Variants in RIN2 observed in about 807,000 individuals in gnomAD.
RIN2 encodes the protein Ras and Rab interactor 2.
A neutral mutation model predicts 78.0 loss-of-function variants in RIN2; 36 were observed. The observed-to-expected ratio is 0.46, with a 90% CI of 0.35 to 0.61. The LOEUF (loss-of-function observed/expected upper bound fraction) is 0.61. RIN2 is among the 20% of genes least tolerant of loss of function. The probability of loss-of-function intolerance (pLI) is 0.00; values close to 1 mark genes in which losing one functional copy is unlikely to be tolerated. For missense variants in RIN2, 1,087 were observed against 1,159.7 expected (o/e 0.94, Z 0.91); for synonymous variants, 466 against 466.8 (o/e 1.00, Z 0.02).
chr20:19,880,009 G>A (rs147857834), intron 2 of RIN2, among the ~76,000 whole-genome samples: 31 of 152,206 alleles, frequency 2.0e-4, no homozygotes, highest in African/African-American at 7.2e-4. Flanking sequence ...AGCACTTTGG[G>A]AGGCCAAGGC....
chr20:19,864,583 A>G (rs772617139), intron 2 of RIN2, among the ~76,000 whole-genome samples: 4 of 152,210 alleles, frequency 2.6e-5, no homozygotes, highest in Non-Finnish European at 5.9e-5. Context: ...AAATATGATC[A>G]TTTAAAAGTT....
At chr20:19,830,466 T>C (rs549051938) in intron 2 of RIN2, among the ~76,000 whole-genome samples, 2 of 152,282 alleles carry the variant, frequency 1.3e-5, no homozygotes, top group Middle Eastern at 3.4e-3. Flanking sequence ...ACCTTAATAA[T>C]ATGACCATCA....
rs116266797 is a variant in RIN2 at position 19,861,497 on chromosome 20, C to T, written c.-36-28069C>T. 6.6e-3 allele frequency among the ~76,000 whole-genome samples: 1,011 copies of T among 152,278 alleles called. 16 individuals are homozygous for T. Among genetic ancestry groups the T allele is most frequent in the African/African-American group, 0.022 (933 of 41,536 alleles). On this transcript the variant is annotated intron_variant, in intron 2 of 12. Coordinates refer to ENST00000255006, the MANE Select transcript of RIN2 (RefSeq NM_018993.4). ...AGGTTGAGCAAGAACGCCCTGCCCT[C>T]GATATCTGATCACCCTCCATATCTG... is the stretch of plus-strand genomic sequence containing the variant.
intron 2 of RIN2, among the ~76,000 whole-genome samples, chr20:19,837,016 T>C (rs1157222826): frequency 6.6e-6 from 1 of 151,892 alleles, no homozygotes; most frequent in Non-Finnish European, 1.5e-5. Context: ...TTGTATATCA[T>C]GTGCAGACAC....
intron 2 of RIN2, chr20:19,872,081 C>T (rs1335349824): frequency 6.6e-6 from 1 of 152,004 alleles, no homozygotes; most frequent in African/African-American, 2.4e-5. Context: ...GCAGTTTCCC[C>T]CATGCCTAGT....
chr20:19,792,588 A>C (rs529074332), intron 1 of RIN2, among the ~76,000 whole-genome samples: 1 of 152,296 alleles, frequency 6.6e-6, no homozygotes, highest in African/African-American at 2.4e-5. Flanking sequence ...ACACATGGGG[A>C]GGTGAGGCAA....
At chr20:19,758,399 C>G (rs1008428392) in intron 1 of RIN2, 72 bp downstream of exon 1, 1 of 152,268 alleles carries the variant, frequency 6.6e-6, no homozygotes, top group South Asian at 2.1e-4. Context: ...GCTCCGGGCA[C>G]GGGCGGGGCT....
chr20:19,953,839 G>GT (rs11483465), intron 4 of RIN2, among the ~76,000 whole-genome samples: 4,889 of 152,210 alleles, frequency 0.032, 119 homozygotes, highest in Non-Finnish European at 0.043. Flanking sequence ...TGAAGAGTAT[G>GT]TTTTTTTAAC....
At chr20:19,969,811 T>C (rs1231840880) in intron 7 of RIN2, among the ~76,000 whole-genome samples, 4 of 152,250 alleles carry the variant, frequency 2.6e-5, no homozygotes, top group Admixed American at 6.5e-5. Flanking sequence ...TAAGTCACCA[T>C]ATTTATTGAA....
chr20:19,765,607 A>G (rs1025306740), intron 1 of RIN2, among the ~76,000 whole-genome samples: 1 of 152,184 alleles, frequency 6.6e-6, no homozygotes, highest in Non-Finnish European at 1.5e-5. Context: ...GACTTGAGAG[A>G]CAGACATACT....
intron 11 of RIN2, among the ~76,000 whole-genome samples, chr20:19,992,610 C>G (rs527755632): frequency 6.6e-6 from 1 of 152,100 alleles, no homozygotes; most frequent in African/African-American, 2.4e-5. Context: ...GTAATACACA[C>G]TCGTGGTAGA....
intron 2 of RIN2, among the ~76,000 whole-genome samples, chr20:19,802,143 ATACAGGTGGGATTGTTATTATTCTCATTT>A (rs2035261343): frequency 6.6e-6 from 1 of 152,160 alleles, no homozygotes; most frequent in Admixed American, 6.5e-5. Context: ...CGACAGCCCT[ATACAGGTGGGATTGTTATTATTCTCATTT>A]TACAGATGGG....
intron 12 of RIN2, among the ~76,000 whole-genome samples, chr20:20,000,023 A>T (rs1318816809): frequency 2.0e-5 from 3 of 152,212 alleles, no homozygotes; most frequent in East Asian, 1.9e-4. Context: ...GGATTTATTT[A>T]AAAAGTTTGT....
intron 1 of RIN2, among the ~76,000 whole-genome samples, chr20:19,776,816 C>T (rs1232449518): frequency 6.6e-6 from 1 of 151,964 alleles, no homozygotes; most frequent in African/African-American, 2.4e-5. Flanking sequence ...TCCTGCCTTT[C>T]CAGACGAAAC....
At chr20:19,761,162 C>A (rs1027886529) in intron 1 of RIN2, among the ~76,000 whole-genome samples, 1 of 152,142 alleles carries the variant, frequency 6.6e-6, no homozygotes, top group African/African-American at 2.4e-5. Flanking sequence ...GTATCTCAGT[C>A]GTTTCTCACA....
intron 12 of RIN2, among the ~76,000 whole-genome samples, chr20:19,999,602 C>T (rs1393125549): frequency 6.6e-6 from 1 of 152,214 alleles, no homozygotes; most frequent in East Asian, 1.9e-4. Context: ...CATCTGATAA[C>T]TCCACTGTTA....
intron 3 of RIN2, among the ~76,000 whole-genome samples, chr20:19,927,291 A>C (rs2040262158): frequency 6.6e-6 from 1 of 152,236 alleles, no homozygotes; most frequent in African/African-American, 2.4e-5. Context: ...TCTGTTACCT[A>C]GGCTGGAGTG....
Position 20,001,457 on chromosome 20 carries a change from A to ATTGGT in RIN2, c.*524_*528dup, listed in dbSNP as rs2043143099. The ATTGGT allele has an allele frequency of 7.3e-6, 1 of 137,470 alleles. No homozygotes were observed. Among genetic ancestry groups the ATTGGT allele is most frequent in the Non-Finnish European group, 1.5e-5 (1 of 65,216 alleles). 8.5% of individuals were successfully genotyped at this position (137,470 alleles called of 1,614,324 possible). ...TAGCAGTTGCAGGTAAACTGTCAGG[A>ATTGGT]TTGGTTTTAAAATATTTTTGTAACT... On this transcript the variant is annotated 3_prime_UTR_variant, in exon 13 of 13. Coordinates refer to ENST00000255006, the MANE Select transcript of RIN2 (RefSeq NM_018993.4).
intron 9 of RIN2, among the ~76,000 whole-genome samples, chr20:19,987,950 G>A (rs895597486): frequency 5.9e-5 from 9 of 152,154 alleles, no homozygotes; most frequent in African/African-American, 1.2e-4. Flanking sequence ...TGGGGTCAGC[G>A]TTAACTTTTG....
Sources: gnomAD v4.1 joint callset for allele counts (sites outside exome capture counted in the v4.1 genomes callset) on GRCh38, gnomAD v4.1.1 for gene constraint, MANE v1.5 for transcripts, NCBI Gene and HGNC (gene_info 2026-07-23, HGNC 2026-07-21) for gene names.